MYOF: variants seen among roughly 807,000 people sequenced by gnomAD.
MYOF encodes the protein fer-1-like 3, myoferlin.
MYOF carries 244 observed loss-of-function variants against 284.2 expected under a neutral mutation model. The ratio of observed to expected loss-of-function variants is 0.86; its 90% confidence interval spans 0.77 to 0.95. The LOEUF is 0.95. Ranked by LOEUF, MYOF falls within the 40% of genes least tolerant of loss-of-function variation. The probability of loss-of-function intolerance (pLI) is 0.00; values close to 1 mark genes in which losing one functional copy is unlikely to be tolerated. For missense variants in MYOF, 2,496 were observed against 2,560.6 expected (o/e 0.97, Z 0.54); for synonymous variants, 904 against 919.7 (o/e 0.98, Z 0.31).
At chr10:93,455,094 A>T (rs1218773204) in intron 2 of MYOF, among the ~76,000 whole-genome samples, 7 of 150,832 alleles carry the variant, frequency 4.6e-5, no homozygotes, top group Non-Finnish European at 1.0e-4. Context: ...GTTCGAGACC[A>T]GCCTGATCAA....
chr10:93,306,904 C>T lies in MYOF; in HGVS notation c.*59G>A, dbSNP rs1842124738. On this transcript the variant is annotated 3_prime_UTR_variant, in exon 54 of 54. Coordinates refer to ENST00000359263, the MANE Select transcript of MYOF (RefSeq NM_013451.4). ...ACACAAAATCACACTGGATGTTGGTCTACAGAGGCAGGATTCTCTCATTGC... is the reference window on the plus strand; with the variant it reads ...ACACAAAATCACACTGGATGTTGGTTTACAGAGGCAGGATTCTCTCATTGC... The T allele has an allele frequency of 1.9e-6, 3 of 1,553,344 alleles. No homozygotes were observed. Among genetic ancestry groups the T allele is most frequent in the Admixed American group, 3.4e-5 (2 of 59,348 alleles).
At chr10:93,386,837 AGAC>A (rs1264393298) in intron 19 of MYOF, among the ~76,000 whole-genome samples, 1 of 152,210 alleles carries the variant, frequency 6.6e-6, no homozygotes, top group Non-Finnish European at 1.5e-5. Context: ...GGCAGACATC[AGAC>A]GACTAGAGGG....
chr10:93,399,612 G>A, intron 12 of MYOF, 117 bp from the exon 13 acceptor site: 1 of 665,100 alleles, frequency 1.5e-6, no homozygotes. Context: ...AGTGGCTCAT[G>A]CCTGTAATCC....
At chr10:93,454,986 TTAAAAAA>T (rs1349603062) in intron 2 of MYOF, among the ~76,000 whole-genome samples, 3 of 84,584 alleles carry the variant, frequency 3.5e-5, no homozygotes, top group South Asian at 3.8e-4. Context: ...CTTTTTTTAA[TTAAAAAA>T]AAAAAAAAAA....
At chr10:93,382,743 C>T (rs1846182264) in intron 19 of MYOF, among the ~76,000 whole-genome samples, 2 of 152,184 alleles carry the variant, frequency 1.3e-5, no homozygotes, top group African/African-American at 4.8e-5. Flanking sequence ...CCTTCTTTTA[C>T]CAAAGAGCCA....
chr10:93,418,420 C>T (rs938771993), intron 5 of MYOF, among the ~76,000 whole-genome samples: 8 of 152,120 alleles, frequency 5.3e-5, no homozygotes, highest in African/African-American at 1.9e-4. Context: ...TTCATTACCC[C>T]ACCCCAATTC....
Position 93,319,973 on chromosome 10 carries a change from CATCTGTTTTCT to C in MYOF, c.5486_5496del (p.Gln1829ArgfsTer9). 1 of 1,614,180 alleles carries C rather than the reference CATCTGTTTTCT, an allele frequency of 6.2e-7. No homozygotes were observed. Among genetic ancestry groups the C allele is most frequent in the Non-Finnish European group, 8.5e-7 (1 of 1,180,016 alleles). ...TCACCATCCAAAGATCTGTAATGGA[CATCTGTTTTCT>C]GTTTGTTTTCTTCATTGCCAGGAAT... On this transcript the variant is annotated frameshift_variant, in exon 49 of 54. Transcript: ENST00000359263. LOFTEE classifies it high-confidence loss of function.
intron 5 of MYOF, among the ~76,000 whole-genome samples, chr10:93,412,414 G>A (rs1386585422): frequency 6.6e-6 from 1 of 152,056 alleles, no homozygotes; most frequent in Non-Finnish European, 1.5e-5. Context: ...CTCTCTTAGG[G>A]CACCTGGATC....
intron 2 of MYOF, among the ~76,000 whole-genome samples, chr10:93,455,622 G>T (rs543772760): frequency 6.6e-6 from 1 of 152,128 alleles, no homozygotes; most frequent in South Asian, 2.1e-4. Flanking sequence ...TCTTAATCAC[G>T]CCACCGCACT....
At chr10:93,394,448 C>CTCTTTTTTTTTTTTTTTTTTTT (rs1846871495) in intron 16 of MYOF, among the ~76,000 whole-genome samples, 5 of 28,682 alleles carry the variant, frequency 1.7e-4, no homozygotes, top group Middle Eastern at 0.056. Flanking sequence ...ACCATCTTGT[C>CTCTTTTTTTTTTTTTTTTTTTT]TTTTTTTTTT....
chr10:93,466,400 T>C (rs1333134154), intron 1 of MYOF, among the ~76,000 whole-genome samples: 1 of 152,148 alleles, frequency 6.6e-6, no homozygotes, highest in Non-Finnish European at 1.5e-5. Context: ...TGCTCCCCTC[T>C]CCACACCCAG....
intron 48 of MYOF, among the ~76,000 whole-genome samples, chr10:93,321,593 G>T (rs1361876027): frequency 6.6e-6 from 1 of 151,850 alleles, no homozygotes; most frequent in Admixed American, 6.6e-5. Context: ...ACTGAGGAGA[G>T]TTCACATTCT....
intron 49 of MYOF, among the ~76,000 whole-genome samples, chr10:93,319,319 C>G (rs1347026623): frequency 6.6e-6 from 1 of 152,178 alleles, no homozygotes; most frequent in African/African-American, 2.4e-5. Flanking sequence ...TTAAAGCCAG[C>G]AGAAGCCTGG....
chr10:93,399,964 C>T (rs1321412801), intron 12 of MYOF, among the ~76,000 whole-genome samples: 1 of 152,150 alleles, frequency 6.6e-6, no homozygotes, highest in Non-Finnish European at 1.5e-5. Flanking sequence ...TTGAATCTTG[C>T]AGTTAGCCAA....
At chr10:93,456,761 TG>T in intron 2 of MYOF, 120 bp downstream of exon 2, 1 of 702,956 alleles carries the variant, frequency 1.4e-6, no homozygotes. Flanking sequence ...GGAAACGGAG[TG>T]GGTGGGGGTG....
intron 41 of MYOF, among the ~76,000 whole-genome samples, chr10:93,334,256 C>T (rs1319605816): frequency 6.6e-6 from 1 of 152,094 alleles, no homozygotes; most frequent in East Asian, 1.9e-4. Flanking sequence ...TTAAACCCAA[C>T]GAAATACCAA....
chr10:93,402,213 A>C lies in MYOF; in HGVS notation c.990+19T>G. 40 of 1,587,770 alleles carry C rather than the reference A, an allele frequency of 2.5e-5. No homozygotes were observed. Among genetic ancestry groups the C allele is most frequent in the Non-Finnish European group, 2.9e-5 (34 of 1,156,108 alleles). On this transcript the variant is annotated intron_variant, in intron 11 of 53. Transcript: ENST00000359263. ...TTTTTTAGTGAGAAGTGTAGAAAGT[A>C]GAGAATGTAGGGACTCACAGGAGGC...
At chr10:93,418,005 G>T (rs565298043) in intron 5 of MYOF, among the ~76,000 whole-genome samples, 17 of 152,146 alleles carry the variant, frequency 1.1e-4, no homozygotes, top group Non-Finnish European at 2.2e-4. Context: ...TCATTATGTT[G>T]CCCAGGCTAG....
At position 93,456,961 on chromosome 10, in the gene MYOF, A is replaced by T. The variant is rs1301126034; in HGVS notation, c.89-24T>A. On this transcript the variant is annotated intron_variant, in intron 1 of 53. Transcript: ENST00000359263. ...ATCTGCAAAAGAGATAAAGGAAGAGACAGCAATCATTTATAAAAAAATTAA... is the reference window on the plus strand; with the variant it reads ...ATCTGCAAAAGAGATAAAGGAAGAGTCAGCAATCATTTATAAAAAAATTAA... 6 of 1,559,730 alleles carry T rather than the reference A, an allele frequency of 3.8e-6. No homozygotes were observed. The African/African-American group carries it at 8.2e-5, about 21-fold the overall frequency.
Sources: allele counts gnomAD v4.1 joint callset (sites outside exome capture counted in the v4.1 genomes callset), GRCh38; gene constraint gnomAD v4.1.1; transcripts MANE v1.5; gene names NCBI Gene and HGNC (gene_info 2026-07-23, HGNC 2026-07-21).